UNC5D: variants seen among roughly 807,000 people sequenced by gnomAD.
The protein encoded by UNC5D is unc-5 netrin receptor D, also known as netrin receptor UNC5D.
Under a neutral mutation model 105.4 loss-of-function variants are expected in UNC5D, and 39 were observed. That is an observed-to-expected ratio of 0.37 (90% CI 0.29 to 0.48). The LOEUF is 0.48. UNC5D is among the 20% of genes least tolerant of loss of function. UNC5D has a pLI of 0.98. For missense variants in UNC5D, 991 were observed against 1,202.4 expected (o/e 0.82, Z 2.60); for synonymous variants, 452 against 450.4 (o/e 1.00, Z -0.04).
chr8:35,609,393 A>G (rs911486629), intron 4 of UNC5D, among the ~76,000 whole-genome samples: 3 of 152,226 alleles, frequency 2.0e-5, no homozygotes, highest in Admixed American at 1.3e-4. Context: ...TACTTTCAGC[A>G]GTAGCTTACA....
At chr8:35,524,592 T>C (rs868218065) in intron 1 of UNC5D, among the ~76,000 whole-genome samples, 122 of 116,788 alleles carry the variant, frequency 1.0e-3, no homozygotes, top group South Asian at 4.8e-3. Flanking sequence ...TTTTCATATA[T>C]ATATTTAAAG....
intron 7 of UNC5D, among the ~76,000 whole-genome samples, chr8:35,697,164 A>AT (rs1473049997): frequency 3.3e-5 from 5 of 151,934 alleles, no homozygotes; most frequent in Non-Finnish European, 5.9e-5. Context: ...CACACACAAC[A>AT]TAAGCACATT....
At chr8:35,695,168 G>T (rs1826673371) in intron 7 of UNC5D, among the ~76,000 whole-genome samples, 1 of 152,084 alleles carries the variant, frequency 6.6e-6, no homozygotes, top group Admixed American at 6.6e-5. Context: ...AGTTCCCAAG[G>T]TATCTTAAAC....
At chr8:35,477,000 G>A (rs1341107063) in intron 1 of UNC5D, among the ~76,000 whole-genome samples, 1 of 152,106 alleles carries the variant, frequency 6.6e-6, no homozygotes, top group Non-Finnish European at 1.5e-5. Flanking sequence ...TTATAGCAGT[G>A]CATTCATTTG....
intron 4 of UNC5D, among the ~76,000 whole-genome samples, chr8:35,627,259 T>G (rs1046021387): frequency 6.6e-6 from 1 of 152,160 alleles, no homozygotes; most frequent in African/African-American, 2.4e-5. Flanking sequence ...CCAATGACCT[T>G]TAAGGTAGAG....
At chr8:35,542,769 C>T (rs1168800551) in intron 1 of UNC5D, among the ~76,000 whole-genome samples, 1 of 152,142 alleles carries the variant, frequency 6.6e-6, no homozygotes, top group Admixed American at 6.5e-5. Flanking sequence ...GTCCATATCA[C>T]TAGGACTCTG....
intron 16 of UNC5D, among the ~76,000 whole-genome samples, chr8:35,785,099 A>G (rs1355476849): frequency 6.6e-6 from 1 of 152,114 alleles, no homozygotes; most frequent in Non-Finnish European, 1.5e-5. Context: ...CTTAAAATCA[A>G]CTATTGCTGT....
intron 1 of UNC5D, among the ~76,000 whole-genome samples, chr8:35,293,577 A>T (rs1043162062): frequency 4.4e-4 from 67 of 151,818 alleles, no homozygotes; most frequent in Admixed American, 3.9e-3. Flanking sequence ...ATATCTTGAA[A>T]CCCTTTCCCC....
chr8:35,378,544 C>T (rs866537165), intron 1 of UNC5D, among the ~76,000 whole-genome samples: 3 of 152,188 alleles, frequency 2.0e-5, no homozygotes, highest in South Asian at 4.1e-4. Flanking sequence ...GGGTTTGCTA[C>T]ATTTGATGTC....
intron 1 of UNC5D, among the ~76,000 whole-genome samples, chr8:35,443,801 T>C (rs889238417): frequency 3.9e-5 from 6 of 152,030 alleles, no homozygotes; most frequent in African/African-American, 1.4e-4. Context: ...TATTTGCATA[T>C]ACAGTTCTCC....
chr8:35,665,451 C>G (rs1824362822), intron 4 of UNC5D, among the ~76,000 whole-genome samples: 1 of 152,128 alleles, frequency 6.6e-6, no homozygotes, highest in Non-Finnish European at 1.5e-5. Flanking sequence ...CAATCTCTTT[C>G]AACTATTGAT....
At chr8:35,283,206 AT>A (rs1298814486) in intron 1 of UNC5D, among the ~76,000 whole-genome samples, 2 of 152,150 alleles carry the variant, frequency 1.3e-5, no homozygotes, top group African/African-American at 4.8e-5. Context: ...TGCTCATGTA[AT>A]CTTTTTTTTA....
intron 1 of UNC5D, among the ~76,000 whole-genome samples, chr8:35,299,966 G>T (rs1807804963): frequency 6.6e-6 from 1 of 152,048 alleles, no homozygotes; most frequent in African/African-American, 2.4e-5. Flanking sequence ...AAAATAAAAA[G>T]GATATATGAA....
intron 4 of UNC5D, among the ~76,000 whole-genome samples, chr8:35,623,876 C>T (rs1441646137): frequency 6.6e-6 from 1 of 152,018 alleles, no homozygotes; most frequent in African/African-American, 2.4e-5. Flanking sequence ...GGTAGGAGAT[C>T]GAGACCATCC....
At chr8:35,271,373 G>T in intron 1 of UNC5D, among the ~76,000 whole-genome samples, 1 of 129,778 alleles carries the variant, frequency 7.7e-6, no homozygotes, top group African/African-American at 2.9e-5. Context: ...GTGCACGTGT[G>T]TATGTATATG....
rs747569044 is a variant in UNC5D at position 35,790,599 on chromosome 8, T to C, written c.*36T>C. The C allele has an allele frequency of 5.7e-5, 92 of 1,609,810 alleles. No individual in the cohort carries two copies. The highest frequency in any genetic ancestry group is 7.0e-5 in the Non-Finnish European group (83 of 1,177,740). On this transcript the variant is annotated 3_prime_UTR_variant, in exon 17 of 17. Transcript: ENST00000404895. Reference sequence around the variant, plus strand: ...CCCATGAGACAGAGTGATGGCCAGCTTGGGGACATTTGCTTTAAATGGGAA... The same window carrying C: ...CCCATGAGACAGAGTGATGGCCAGCCTGGGGACATTTGCTTTAAATGGGAA...
At chr8:35,632,730 G>A (rs1017297204) in intron 4 of UNC5D, among the ~76,000 whole-genome samples, 1 of 152,166 alleles carries the variant, frequency 6.6e-6, no homozygotes, top group African/African-American at 2.4e-5. Flanking sequence ...CCACACTTGC[G>A]GACATTGTGC....
chr8:35,372,442 G>A (rs1388608276), intron 1 of UNC5D, among the ~76,000 whole-genome samples: 1 of 151,778 alleles, frequency 6.6e-6, no homozygotes, highest in Admixed American at 6.6e-5. Context: ...TGACTCTAAT[G>A]TTGGATTAAC....
intron 4 of UNC5D, among the ~76,000 whole-genome samples, chr8:35,679,427 T>C (rs1043574291): frequency 2.0e-5 from 3 of 152,094 alleles, no homozygotes; most frequent in African/African-American, 4.8e-5. Context: ...TATGGGAAAG[T>C]TCTTCAGGGC....
Sources: allele counts gnomAD v4.1 joint callset (sites outside exome capture counted in the v4.1 genomes callset), GRCh38; gene constraint gnomAD v4.1.1; transcripts MANE v1.5; gene names NCBI Gene and HGNC (gene_info 2026-07-23, HGNC 2026-07-21).